The following ERN2 variants were observed in gnomAD, a reference collection of about 807,000 sequenced individuals.
ERN2 encodes the protein serine/threonine-protein kinase/endoribonuclease IRE2.
In ERN2, 111 loss-of-function variants were observed where a neutral mutation model predicts 107.9. The observed-to-expected ratio is 1.03, with a 90% confidence interval of 0.88 to 1.20. The LOEUF (loss-of-function observed/expected upper bound fraction) is 1.20, where lower values mean the gene tolerates loss of function less well. Ranked by LOEUF, ERN2 falls within the 50% of genes most tolerant of loss-of-function variation. The probability of loss-of-function intolerance (pLI) is 0.00; values close to 1 mark genes in which losing one functional copy is unlikely to be tolerated. For missense variants in ERN2, 1,225 were observed against 1,197.9 expected (o/e 1.02, Z -0.33); for synonymous variants, 524 against 501.7 (o/e 1.04, Z -0.59).
chr16:23,700,835 G>A, intron 12 of ERN2, 124 bp downstream of exon 12: 2 of 1,455,056 alleles, frequency 1.4e-6, no homozygotes, highest in South Asian at 1.3e-5. Flanking sequence ...GGCCTGGGGA[G>A]CTGCTGGGAG....
chr16:23,696,789 T>G lies in ERN2; in HGVS notation c.1526-811A>C, dbSNP rs1253387697. On this transcript the variant is annotated intron_variant, in intron 13 of 21. Coordinates refer to ENST00000256797, the MANE Select transcript of ERN2 (RefSeq NM_033266.4). ...CACTATTCATATGGCAAAACATATA[T>G]GGCACCCCTAGAGTTGTGCAGTGCG... The G allele has an allele frequency of 2.6e-5, 4 of 152,222 alleles. No homozygotes were observed. In the East Asian group the frequency reaches 7.7e-4, roughly 29 times the overall value. The allele number at this position is 152,222 out of a possible 1,614,324, so 9.4% of individuals were successfully genotyped here. A position where few individuals can be genotyped will look rare whatever the true frequency, so the allele number is the denominator to read the frequency against.
chr16:23,694,990 G>A (rs541328231), intron 16 of ERN2, 29 bp downstream of exon 16: 2 of 1,613,150 alleles, frequency 1.2e-6, no homozygotes, highest in South Asian at 2.2e-5. Flanking sequence ...CTAAGGACAG[G>A]GAGCGGGAGG....
chr16:23,697,780 A>G (rs2141009753), intron 13 of ERN2, among the ~76,000 whole-genome samples: 1 of 152,246 alleles, frequency 6.6e-6, no homozygotes, highest in African/African-American at 2.4e-5. Flanking sequence ...TTTTAGAAAC[A>G]GGGGCTCACT....
In ERN2 at chr16:23,702,721, AAGAAG is replaced by A; in HGVS notation, c.855-24_855-20del. On this transcript the variant is annotated intron_variant, in intron 8 of 21. Transcript: ENST00000256797. ...CGTCATTCTAGTGGGAGAGAAGAAA[AAGAAG>A]AGAAGAATGAATGCTGGTGATGGGT... The A allele has an allele frequency of 6.2e-7, 1 of 1,602,368 alleles. No homozygotes were observed. Among genetic ancestry groups the A allele is most frequent in the South Asian group, 1.1e-5 (1 of 90,810 alleles).
At chr16:23,694,103 C>T (rs1297548988) in intron 17 of ERN2, among the ~76,000 whole-genome samples, 3 of 152,116 alleles carry the variant, frequency 2.0e-5, no homozygotes, top group Admixed American at 2.0e-4. Flanking sequence ...TCAAGCGATC[C>T]TCCCACCTCA....
At chr16:23,707,396 C>T (rs1437329992) in intron 4 of ERN2, 3 of 362,696 alleles carry the variant, frequency 8.3e-6, no homozygotes, top group Non-Finnish European at 1.6e-5. Context: ...CACTTGCTCT[C>T]GGCCTGACCT....
intron 11 of ERN2, among the ~76,000 whole-genome samples, chr16:23,701,390 A>G (rs775181636): frequency 2.6e-5 from 4 of 152,188 alleles, no homozygotes; most frequent in Non-Finnish European, 4.4e-5. Context: ...ACCTCCAGAG[A>G]TCCTAAACGC....
chr16:23,702,171 G>A lies in ERN2; in HGVS notation c.1184C>T (p.Ala395Val). The change falls in exon 11 of 22, where the codon GCC becomes GTC. Residue 395 changes from alanine to valine, a missense_variant. Ala to Val is a moderately conservative substitution (Grantham distance 64). Transcript: ENST00000256797. ...ACTGACCTCCAAGAAGAAGGCTGGG[G>A]CCTGGGTATTCTCTGGAGGTCTTGT... ...AETRPPENTQ[A>V]PAFFLELLSL... 1 of 1,613,834 alleles carries A rather than the reference G, an allele frequency of 6.2e-7. No homozygotes were observed. Among genetic ancestry groups the A allele is most frequent in the Non-Finnish European group, 8.5e-7 (1 of 1,179,974 alleles).
chr16:23,695,216 C>T lies in ERN2; in HGVS notation c.1784G>A (p.Arg595Gln), dbSNP rs139033890. ...QFHYIALELC[R>Q]ASLQEYVENP... ...GCAACTCACCTCCTGCAAGGAGGCCCGGCAGAGCTCCAGGGCAATGTAGTG... is the reference window on the plus strand; with the variant it reads ...GCAACTCACCTCCTGCAAGGAGGCCTGGCAGAGCTCCAGGGCAATGTAGTG... Residue 595 changes from arginine (R) to glutamine (Q), a missense_variant, in exon 15 of 22, where the codon CGG becomes CAG. By Grantham distance (43) the Arg-to-Gln change is conservative. Transcript: ENST00000256797. 4.0e-5 allele frequency: 65 copies of T among 1,614,076 alleles called. No individual in the cohort carries two copies. The highest frequency in any genetic ancestry group is 5.1e-5 in the Non-Finnish European group (60 of 1,179,996).
chr16:23,706,583 TGTC>T, intron 6 of ERN2, 152 bp from the exon 7 acceptor site: 1 of 745,800 alleles, frequency 1.3e-6, no homozygotes, highest in South Asian at 1.8e-5. Context: ...AGACTGGAGC[TGTC>T]TTGTTTACAG....
At position 23,700,724 on chromosome 16, in the gene ERN2, G is replaced by A. The variant is rs367578463; in HGVS notation, c.1360-20C>T. 135 of 1,605,328 alleles carry A rather than the reference G, an allele frequency of 8.4e-5. No homozygotes were observed. The highest frequency in any genetic ancestry group is 1.1e-4 in the Non-Finnish European group (129 of 1,175,748). On this transcript the variant is annotated intron_variant, in intron 12 of 21. Coordinates refer to ENST00000256797, the MANE Select transcript of ERN2 (RefSeq NM_033266.4). The stretch of plus-strand genomic sequence containing the variant: ...CTGTTGCTGTAACATGAGAGCCTAA[G>A]AGAGCTTTGTCCTGGCCACGCCCTG...
chr16:23,693,597 A>G (rs1056662814), intron 17 of ERN2, among the ~76,000 whole-genome samples: 1 of 140,212 alleles, frequency 7.1e-6, no homozygotes, highest in African/African-American at 2.8e-5. Context: ...CTCAAAAAAA[A>G]AAAAATATAT....
At position 23,695,286 on chromosome 16, in the gene ERN2, G is replaced by A. The variant is rs368336141; in HGVS notation, c.1714C>T (p.Pro572Ser). 2.0e-5 allele frequency: 33 copies of A among 1,614,032 alleles called. No individual in the cohort carries two copies. In the East Asian group the frequency reaches 7.1e-4, roughly 35 times the overall value. ...GTGCAGAAGTAGCGGAGCACGTTGG[G>A]GTGCCTGTCAGACTCCTGCAGCAGT... is the stretch of plus-strand genomic sequence containing the variant. ...VQLLQESDRH[P>S]NVLRYFCTER... The change falls in exon 15 of 22, where the codon CCC becomes TCC. Residue 572 changes from proline to serine, a missense_variant. Coordinates refer to ENST00000256797, the MANE Select transcript of ERN2 (RefSeq NM_033266.4).
chr16:23,711,062 G>A lies in ERN2; in HGVS notation c.94-44C>T, dbSNP rs1452194504. ...AAAGTCAGCTCTCTGAGGGGTCTGG[G>A]ACCACCCTTTGCTCCTGTCCCAAGC... is the stretch of plus-strand genomic sequence containing the variant. On this transcript the variant is annotated intron_variant, in intron 1 of 21. Transcript: ENST00000256797. 2.2e-6 allele frequency: 3 copies of A among 1,377,968 alleles called. No homozygotes were observed. The African/African-American group carries it at 4.3e-5, about 20-fold the overall frequency. The allele number at this position is 1,377,968 out of a possible 1,614,324, so 85.4% of individuals were successfully genotyped here.
At position 23,704,872 on chromosome 16, in the gene ERN2, C is replaced by G. The variant is rs201429992; in HGVS notation, c.854+11G>C. On this transcript the variant is annotated intron_variant, in intron 8 of 21. Transcript: ENST00000256797. ...TGGCTCCCTCCCTGGGCCCCAGGCACGAACACCTACAGCAGCTGGGTGTCC... is the reference window on the plus strand; with the variant it reads ...TGGCTCCCTCCCTGGGCCCCAGGCAGGAACACCTACAGCAGCTGGGTGTCC... 5 of 1,602,848 alleles carry G rather than the reference C, an allele frequency of 3.1e-6. No individual in the cohort carries two copies. Among genetic ancestry groups the G allele is most frequent in the Non-Finnish European group, 4.2e-6 (5 of 1,177,902 alleles).
At chr16:23,694,949 A>C (rs755605280) in intron 16 of ERN2, 22 bp from the exon 17 acceptor site, 2 of 1,613,900 alleles carry the variant, frequency 1.2e-6, no homozygotes, top group East Asian at 2.2e-5. Flanking sequence ...GGGCAGAAAG[A>C]AAGCTGGTTG....
At chr16:23,702,330 A>C in intron 10 of ERN2, 57 bp from the exon 11 acceptor site, 1 of 1,611,660 alleles carries the variant, frequency 6.2e-7, no homozygotes, top group Non-Finnish European at 8.5e-7. Context: ...TCCAGCTCAG[A>C]AGCTGGGCTC....
Position 23,706,759 on chromosome 16 carries a change from C to T in ERN2, c.482G>A (p.Arg161Gln), listed in dbSNP as rs768486434. ...GPSTPRLYIG[R>Q]TQYTVTMHDP... ...ACAGCTGGGGCCCAACTCACGTGTT[C>T]GGCCAATGTAGAGGCGGGGGGTGGA... Residue 161 changes from arginine to glutamine, a missense_variant, in exon 6 of 22, where the codon CGA becomes CAA. Transcript: ENST00000256797. 34 of 1,600,984 alleles carry T rather than the reference C, an allele frequency of 2.1e-5. No homozygotes were observed. Among genetic ancestry groups the T allele is most frequent in the Admixed American group, 6.9e-5 (4 of 57,712 alleles).
chr16:23,692,099 TGGAA>T lies in ERN2; in HGVS notation c.2249-13_2249-10del, dbSNP rs773806973. Reference sequence around the variant, plus strand: ...CCGGGCAACCACCTTGTCTGGAGGATGGAAGAGGAGGAGGAGAGTCTGCTTCAGG... The same window carrying T: ...CCGGGCAACCACCTTGTCTGGAGGATGAGGAGGAGGAGAGTCTGCTTCAGG... On this transcript the variant is annotated splice_polypyrimidine_tract_variant and intron_variant, in intron 18 of 21. Coordinates refer to ENST00000256797, the MANE Select transcript of ERN2 (RefSeq NM_033266.4). The T allele has an allele frequency of 8.1e-6, 13 of 1,613,754 alleles. No homozygotes were observed. The African/African-American group carries it at 1.5e-4, about 18-fold the overall frequency.
Sources: allele counts gnomAD v4.1 joint callset (sites outside exome capture counted in the v4.1 genomes callset), GRCh38; gene constraint gnomAD v4.1.1; transcripts MANE v1.5; gene names NCBI Gene and HGNC (gene_info 2026-07-23, HGNC 2026-07-21).